The following GABRB2 variants were observed in gnomAD, a reference collection of about 807,000 sequenced individuals.
GABRB2 encodes gamma-aminobutyric acid type A receptor subunit beta2.
A neutral mutation model predicts 54.7 loss-of-function variants in GABRB2; 16 were observed. That is an observed-to-expected ratio of 0.29 (90% CI 0.20 to 0.44). The LOEUF is 0.44. Among genes scored for constraint, GABRB2 ranks in the 20% least tolerant of loss-of-function variants. The pLI, the probability that GABRB2 is intolerant of heterozygous loss-of-function variation, is 1.00. For synonymous variants in GABRB2, 244 were observed against 233.8 expected (o/e 1.04, Z -0.40); for missense variants, 355 against 644.0 (o/e 0.55, Z 4.86).
chr5:161,516,446 T>C (rs185901648), intron 3 of GABRB2, among the ~76,000 whole-genome samples: 2 of 152,292 alleles, frequency 1.3e-5, no homozygotes, highest in East Asian at 3.9e-4. Flanking sequence ...GTAATTTGCA[T>C]GTAAGCAGGT....
In GABRB2 at chr5:161,289,636, A is replaced by C. The variant is rs961624296; in HGVS notation, c.*4445T>G. 6.6e-6 allele frequency: 1 copy of C among 152,126 alleles called. No individual in the cohort carries two copies. The highest frequency in any genetic ancestry group is 6.6e-5 in the Admixed American group (1 of 15,248). 9.4% of individuals were successfully genotyped at this position (152,126 alleles called of 1,614,324 possible). A position where few individuals can be genotyped will look rare whatever the true frequency, so the allele number is the denominator to read the frequency against. On this transcript the variant is annotated 3_prime_UTR_variant, in exon 10 of 10. Coordinates refer to ENST00000393959, the MANE Select transcript of GABRB2 (RefSeq NM_001371727.1). ...GTTTCTTGAACTCTGACATATAAAA[A>C]AGTCTATTAAGTTATCAATGATCAT... is the stretch of plus-strand genomic sequence containing the variant.
intron 3 of GABRB2, among the ~76,000 whole-genome samples, chr5:161,507,290 C>T (rs971614721): frequency 6.6e-6 from 1 of 151,846 alleles, no homozygotes; most frequent in African/African-American, 2.4e-5. Flanking sequence ...ATAAATAAAG[C>T]CTGTTATTTA....
At chr5:161,324,092 C>A (rs765850974) in intron 9 of GABRB2, among the ~76,000 whole-genome samples, 1 of 151,930 alleles carries the variant, frequency 6.6e-6, no homozygotes, top group Non-Finnish European at 1.5e-5. Context: ...TTATGGCATG[C>A]ACATTCAATT....
At chr5:161,539,614 C>A (rs1032382276) in intron 3 of GABRB2, among the ~76,000 whole-genome samples, 2 of 152,132 alleles carry the variant, frequency 1.3e-5, no homozygotes, top group African/African-American at 2.4e-5. Flanking sequence ...ATATTGCCAA[C>A]CCAAGCACAC....
In GABRB2 at chr5:161,525,943, C is replaced by T. The variant is rs908132358; in HGVS notation, c.237+19284G>A. ...ATGCACATATCTACATGTATGACAA[C>T]GAAATATTGCATGCTGTTGATAAGG... On this transcript the variant is annotated intron_variant, in intron 3 of 9. Coordinates refer to ENST00000393959, the MANE Select transcript of GABRB2 (RefSeq NM_001371727.1). 1.6e-4 allele frequency among the ~76,000 whole-genome samples: 24 copies of T among 151,112 alleles called. 2 individuals carry two copies. The highest frequency in any genetic ancestry group is 5.3e-4 in the Admixed American group (8 of 15,092).
intron 3 of GABRB2, among the ~76,000 whole-genome samples, chr5:161,538,095 T>C (rs1159201173): frequency 6.6e-6 from 1 of 152,172 alleles, no homozygotes; most frequent in Admixed American, 6.5e-5. Flanking sequence ...CACTTGTTGT[T>C]CCAAATGGTG....
chr5:161,426,880 T>C (rs1757016978), intron 4 of GABRB2, among the ~76,000 whole-genome samples: 1 of 152,132 alleles, frequency 6.6e-6, no homozygotes, highest in South Asian at 2.1e-4. Flanking sequence ...CAGGAGCTAT[T>C]AGAAAAGAAG....
At chr5:161,358,364 A>G (rs1012029118) in intron 5 of GABRB2, among the ~76,000 whole-genome samples, 1 of 152,182 alleles carries the variant, frequency 6.6e-6, no homozygotes, top group Non-Finnish European at 1.5e-5. Flanking sequence ...GGAAAGGCAT[A>G]CTGGAATAGT....
At chr5:161,367,756 T>G (rs1271385820) in intron 5 of GABRB2, among the ~76,000 whole-genome samples, 1 of 152,176 alleles carries the variant, frequency 6.6e-6, no homozygotes, top group Non-Finnish European at 1.5e-5. Context: ...TGTTACCACA[T>G]GTTCCAAAGT....
chr5:161,495,547 A>G (rs574295931), intron 3 of GABRB2, among the ~76,000 whole-genome samples: 3 of 152,172 alleles, frequency 2.0e-5, no homozygotes, highest in South Asian at 2.1e-4. Context: ...ATAGTTCACT[A>G]TATCAAGGTA....
chr5:161,332,945 T>G (rs1431822202), intron 7 of GABRB2, among the ~76,000 whole-genome samples: 2 of 152,198 alleles, frequency 1.3e-5, no homozygotes, highest in Non-Finnish European at 2.9e-5. Flanking sequence ...GTCCTCTTTA[T>G]AGCTGTCATT....
At chr5:161,445,613 G>C (rs537718020) in intron 4 of GABRB2, among the ~76,000 whole-genome samples, 3 of 152,242 alleles carry the variant, frequency 2.0e-5, no homozygotes, top group Middle Eastern at 3.4e-3. Flanking sequence ...TTTTCTCTCT[G>C]AAAGCTGCTA....
chr5:161,494,481 AAC>A, intron 3 of GABRB2, among the ~76,000 whole-genome samples: 1 of 151,526 alleles, frequency 6.6e-6, no homozygotes, highest in Admixed American at 6.6e-5. Flanking sequence ...TATGGTTAGA[AAC>A]ACATTTACAC....
chr5:161,540,326 G>A (rs1760773536), intron 3 of GABRB2, among the ~76,000 whole-genome samples: 1 of 152,146 alleles, frequency 6.6e-6, no homozygotes, highest in Non-Finnish European at 1.5e-5. Context: ...AGCAACTTGT[G>A]CATTGAAGTT....
rs1758022956 is a variant in GABRB2 at position 161,458,349 on chromosome 5, A to C, written c.458+1275T>G. 7.2e-5 allele frequency among the ~76,000 whole-genome samples: 11 copies of C among 152,178 alleles called. No homozygotes were observed. The South Asian group carries it at 2.1e-3, about 29-fold the overall frequency. ...TCTTTTCTGAGGCATGTATGTGAGCAGTGCCTGTATCTAACTCATTTGTCT... is the reference window on the plus strand; with the variant it reads ...TCTTTTCTGAGGCATGTATGTGAGCCGTGCCTGTATCTAACTCATTTGTCT... On this transcript the variant is annotated intron_variant, in intron 4 of 9. Transcript: ENST00000393959.
Position 161,459,692 on chromosome 5 carries a change from C to T in GABRB2, c.390G>A (p.Val130=). The T allele has an allele frequency of 6.2e-7, 1 of 1,614,122 alleles. No homozygotes were observed. Among genetic ancestry groups the T allele is most frequent in the Non-Finnish European group, 8.5e-7 (1 of 1,180,000 alleles). ...TGCGGTTCTTAACAGTCACTCCGTG[C>T]ACAAATGACTTCTTATCGTTCAGGA... ...TYFLNDKKSF[V]HGVTVKNRMI... is the part of the protein sequence containing the mutation. Residue 130 remains valine (V), a synonymous_variant, in exon 4 of 10, where the codon GTG becomes GTA. Transcript: ENST00000393959.
At chr5:161,331,226 T>C in intron 7 of GABRB2, 99 bp from the exon 8 acceptor site, 6 of 1,353,750 alleles carry the variant, frequency 4.4e-6, no homozygotes, top group Non-Finnish European at 6.0e-6. Flanking sequence ...CTCATTCATA[T>C]ATGCCACAAT....
At chr5:161,440,076 A>C (rs1006237305) in intron 4 of GABRB2, among the ~76,000 whole-genome samples, 1 of 150,630 alleles carries the variant, frequency 6.6e-6, no homozygotes, top group Non-Finnish European at 1.5e-5. Flanking sequence ...AAAAAAAAAA[A>C]AAACAAAACA....
intron 5 of GABRB2, among the ~76,000 whole-genome samples, chr5:161,410,390 TCACACA>T (rs908008452): frequency 3.3e-5 from 2 of 59,780 alleles, no homozygotes; most frequent in Non-Finnish European, 1.3e-4. Context: ...AACAGAATTC[TCACACA>T]CACACACACA....
Sources: allele counts gnomAD v4.1 joint callset (sites outside exome capture counted in the v4.1 genomes callset), GRCh38; gene constraint gnomAD v4.1.1; transcripts MANE v1.5; gene names NCBI Gene and HGNC (gene_info 2026-07-23, HGNC 2026-07-21).